NRXN1: variants seen among roughly 807,000 people sequenced by gnomAD.
The protein encoded by NRXN1 is neurexin 1.
A neutral mutation model predicts 150.9 loss-of-function variants in NRXN1; 39 were observed. The ratio of observed to expected loss-of-function variants is 0.26; its 90% CI spans 0.20 to 0.34. The LOEUF (loss-of-function observed/expected upper bound fraction) is 0.34. Among genes scored for constraint, NRXN1 ranks in the 10% least tolerant of loss-of-function variants. The pLI is 1.00. For synonymous variants in NRXN1, 924 were observed against 757.0 expected, an observed-to-expected ratio of 1.22 and a Z score of -3.62; for missense variants, 1,815 against 1,949.9, an observed-to-expected ratio of 0.93 and a Z score of 1.30.
intron 18 of NRXN1, among the ~76,000 whole-genome samples, chr2:50,111,593 C>T (rs1050086423): frequency 2.0e-5 from 3 of 151,724 alleles, no homozygotes; most frequent in Non-Finnish European, 2.9e-5. Context: ...GAGCCAAGAT[C>T]GCCCCACTGA....
intron 21 of NRXN1, among the ~76,000 whole-genome samples, chr2:49,989,011 A>G (rs188837439): frequency 2.0e-5 from 3 of 152,322 alleles, no homozygotes; most frequent in African/African-American, 7.2e-5. Context: ...ACAATGTGGC[A>G]GCCAGACTCT....
At chr2:50,101,728 C>A (rs914353562) in intron 18 of NRXN1, among the ~76,000 whole-genome samples, 6 of 151,976 alleles carry the variant, frequency 3.9e-5, no homozygotes, top group African/African-American at 1.2e-4. Context: ...ATACAGTAAA[C>A]TGGGAATGGA....
chr2:50,272,482 T>C (rs1005275559), intron 17 of NRXN1, among the ~76,000 whole-genome samples: 1 of 152,074 alleles, frequency 6.6e-6, no homozygotes, highest in Non-Finnish European at 1.5e-5. Flanking sequence ...AGAAAATAAA[T>C]ACCAAAAATT....
At chr2:50,086,317 G>T (rs1243353607) in intron 19 of NRXN1, among the ~76,000 whole-genome samples, 2 of 152,110 alleles carry the variant, frequency 1.3e-5, no homozygotes, top group Non-Finnish European at 1.5e-5. Flanking sequence ...TAAAGGTTTG[G>T]AATTTAGGGT....
intron 2 of NRXN1, among the ~76,000 whole-genome samples, chr2:50,955,069 ATCTCTC>A (rs372576613): frequency 6.6e-6 from 1 of 151,724 alleles, no homozygotes; most frequent in Non-Finnish European, 1.5e-5. Context: ...ATTTCTACTC[ATCTCTC>A]TCTCTCTATC....
chr2:50,943,867 A>G (rs1467874206), intron 2 of NRXN1, among the ~76,000 whole-genome samples: 1 of 152,172 alleles, frequency 6.6e-6, no homozygotes, highest in East Asian at 1.9e-4. Context: ...ATTTACTATA[A>G]TTGTATTTCC....
chr2:50,484,744 C>T (rs1034993122), intron 15 of NRXN1, among the ~76,000 whole-genome samples: 5 of 152,152 alleles, frequency 3.3e-5, no homozygotes, highest in Non-Finnish European at 7.3e-5. Flanking sequence ...AGATGCTATG[C>T]AAGGCATTGG....
At chr2:50,359,418 C>T (rs1160357139) in intron 17 of NRXN1, among the ~76,000 whole-genome samples, 2 of 151,268 alleles carry the variant, frequency 1.3e-5, no homozygotes, top group African/African-American at 4.9e-5. Context: ...ACATAAATGA[C>T]CTGATGGAGC....
At chr2:50,105,683 A>G (rs368371906) in intron 18 of NRXN1, among the ~76,000 whole-genome samples, 47 of 152,180 alleles carry the variant, frequency 3.1e-4, no homozygotes, top group African/African-American at 1.1e-3. Context: ...TGAGAGATTT[A>G]GTTGTAGTTT....
At chr2:50,084,668 A>T (rs35072513) in intron 19 of NRXN1, among the ~76,000 whole-genome samples, 2 of 152,060 alleles carry the variant, frequency 1.3e-5, no homozygotes, top group Non-Finnish European at 2.9e-5. Context: ...GTGCAGTGGC[A>T]GGCTGAAGGG....
At chr2:50,484,189 C>G (rs550890084) in intron 15 of NRXN1, among the ~76,000 whole-genome samples, 32 of 152,250 alleles carry the variant, frequency 2.1e-4, no homozygotes, top group Non-Finnish European at 4.3e-4. Flanking sequence ...CAGACATTGC[C>G]AAAGAGCTTT....
rs988259354 is a variant in NRXN1 at position 50,941,313 on chromosome 2, C to T, written c.773-15358G>A. On this transcript the variant is annotated intron_variant, in intron 2 of 22. Coordinates refer to ENST00000401669, the MANE Select transcript of NRXN1 (RefSeq NM_001330078.2). ...AATTGGTACCAGGAGTGGGGTACTGCTATAAAGGTACCCGAAAATGTAGAA... is the reference window on the plus strand; with the variant it reads ...AATTGGTACCAGGAGTGGGGTACTGTTATAAAGGTACCCGAAAATGTAGAA... Among the ~76,000 whole-genome samples the T allele has an allele frequency of 4.2e-4, 64 of 152,190 alleles. 1 individual carries two copies. The highest frequency in any genetic ancestry group is 2.6e-4 in the African/African-American group (11 of 41,522).
At chr2:50,585,830 A>T (rs997787536) in intron 8 of NRXN1, among the ~76,000 whole-genome samples, 1 of 152,188 alleles carries the variant, frequency 6.6e-6, no homozygotes, top group Non-Finnish European at 1.5e-5. Flanking sequence ...AGTGATTGCC[A>T]TGAACCCTGT....
chr2:50,446,458 CCT>C (rs2086411339), intron 17 of NRXN1, among the ~76,000 whole-genome samples: 1 of 130,304 alleles, frequency 7.7e-6, no homozygotes, highest in South Asian at 2.8e-4. Flanking sequence ...CATCCTTTCC[CCT>C]GTTCCTCCCT....
chr2:50,115,005 T>C (rs571057368), intron 18 of NRXN1, among the ~76,000 whole-genome samples: 1 of 151,976 alleles, frequency 6.6e-6, no homozygotes, highest in East Asian at 1.9e-4. Flanking sequence ...ACGTAAACTA[T>C]GGACTTTGTG....
At chr2:50,868,141 T>C (rs1231355152) in intron 5 of NRXN1, among the ~76,000 whole-genome samples, 1 of 87,692 alleles carries the variant, frequency 1.1e-5, no homozygotes, top group Non-Finnish European at 2.3e-5. Flanking sequence ...AAACAAAATA[T>C]TATATATATA....
intron 11 of NRXN1, chr2:50,528,896 G>C (rs901297873): frequency 1.9e-5 from 8 of 419,822 alleles, no homozygotes; most frequent in Non-Finnish European, 3.4e-5. Flanking sequence ...ACAAATCTAA[G>C]TGAAGTAAAG....
intron 19 of NRXN1, among the ~76,000 whole-genome samples, chr2:50,074,605 T>C (rs1249827472): frequency 6.6e-6 from 1 of 152,142 alleles, no homozygotes. Flanking sequence ...TCCTTAGAAA[T>C]AAAAACAACT....
chr2:50,139,825 G>C (rs1265984176), intron 18 of NRXN1, among the ~76,000 whole-genome samples: 1 of 151,874 alleles, frequency 6.6e-6, no homozygotes, highest in Non-Finnish European at 1.5e-5. Context: ...GAGTCATCAA[G>C]GAAAAAATAT....
Sources: gnomAD v4.1 joint callset for allele counts (sites outside exome capture counted in the v4.1 genomes callset) on GRCh38, gnomAD v4.1.1 for gene constraint, MANE v1.5 for transcripts, NCBI Gene and HGNC (gene_info 2026-07-23, HGNC 2026-07-21) for gene names.